The following PRKAG2 variants were observed in gnomAD, a reference collection of about 807,000 sequenced individuals.
The protein encoded by PRKAG2 is 5'-AMP-activated protein kinase subunit gamma-2.
Under a neutral mutation model 69.6 loss-of-function variants are expected in PRKAG2, and 26 were observed. The ratio of observed to expected loss-of-function variants is 0.37; its 90% confidence interval spans 0.27 to 0.52. The LOEUF is 0.52. Ranked by LOEUF, PRKAG2 falls within the 20% of genes least tolerant of loss-of-function variation. The pLI, the probability that PRKAG2 is intolerant of heterozygous loss-of-function variation, is 0.90. For missense variants in PRKAG2, 557 were observed against 740.0 expected (o/e 0.75, Z 2.87); for synonymous variants, 293 against 285.0 (o/e 1.03, Z -0.28).
At chr7:151,867,783 A>G (rs1390438035) in intron 1 of PRKAG2, among the ~76,000 whole-genome samples, 2 of 152,182 alleles carry the variant, frequency 1.3e-5, no homozygotes, top group Non-Finnish European at 2.9e-5. Flanking sequence ...AACCCTGCGT[A>G]AACATAGTTC....
chr7:151,716,987 C>T (rs922799320), intron 3 of PRKAG2, among the ~76,000 whole-genome samples: 1 of 152,176 alleles, frequency 6.6e-6, no homozygotes, highest in African/African-American at 2.4e-5. Flanking sequence ...TGGCTCACGC[C>T]TGTAATCCCA....
At position 151,567,877 on chromosome 7, in the gene PRKAG2, G is replaced by A. The variant is rs1484493154; in HGVS notation, c.1233+839C>T. ...CAGCTCCTTCACACTGCACCGGAAC[G>A]CTATGTTAGGTCCTTAGGTGAAGCC... is the stretch of plus-strand genomic sequence containing the variant. On this transcript the variant is annotated intron_variant, in intron 11 of 15. Coordinates refer to ENST00000287878, the MANE Select transcript of PRKAG2 (RefSeq NM_016203.4). This position sits in a 1 kb window ranked among gnomAD's most constrained non-coding sequence, Gnocchi z 4.2. Among the ~76,000 whole-genome samples the A allele has an allele frequency of 2.6e-5, 4 of 152,182 alleles. No homozygotes were observed. The highest frequency in any genetic ancestry group is 5.9e-5 in the Non-Finnish European group (4 of 68,036).
At chr7:151,757,591 CA>C (rs2075169187) in intron 3 of PRKAG2, among the ~76,000 whole-genome samples, 1 of 152,202 alleles carries the variant, frequency 6.6e-6, no homozygotes, top group African/African-American at 2.4e-5. Context: ...TGGAAACGGA[CA>C]GGGGGAAAAT....
chr7:151,654,955 A>C (rs1829171496), intron 4 of PRKAG2, among the ~76,000 whole-genome samples: 1 of 152,216 alleles, frequency 6.6e-6, no homozygotes, highest in African/African-American at 2.4e-5. Context: ...GGCCTCTCAA[A>C]GTGCTGGGAT....
intron 14 of PRKAG2, among the ~76,000 whole-genome samples, chr7:151,561,505 T>C (rs770823279): frequency 1.6e-4 from 24 of 152,348 alleles, no homozygotes; most frequent in Non-Finnish European, 2.9e-4. Flanking sequence ...TGAGCTATAA[T>C]GAAGTGGGAT....
At chr7:151,628,854 G>C (rs1823675642) in intron 5 of PRKAG2, among the ~76,000 whole-genome samples, 1 of 152,208 alleles carries the variant, frequency 6.6e-6, no homozygotes, top group Admixed American at 6.5e-5. Context: ...AGCTGTGGTA[G>C]CAGGCACGGG....
intron 4 of PRKAG2, among the ~76,000 whole-genome samples, chr7:151,659,537 G>C (rs1829995742): frequency 6.6e-6 from 1 of 152,148 alleles, no homozygotes. Context: ...TTAACACAGG[G>C]GTTCACACAT....
intron 3 of PRKAG2, among the ~76,000 whole-genome samples, chr7:151,736,632 G>T (rs964938751): frequency 2.6e-5 from 4 of 152,196 alleles, no homozygotes; most frequent in African/African-American, 9.7e-5. Context: ...GAAGGCTCCG[G>T]CTGCTGCCGG....
intron 1 of PRKAG2, among the ~76,000 whole-genome samples, chr7:151,868,260 C>T (rs2080127764): frequency 6.6e-6 from 1 of 152,236 alleles, no homozygotes; most frequent in Non-Finnish European, 1.5e-5. Context: ...TTCCAATTAA[C>T]CATTCCAAGG....
At chr7:151,631,300 T>C (rs1179801367) in intron 5 of PRKAG2, among the ~76,000 whole-genome samples, 1 of 152,254 alleles carries the variant, frequency 6.6e-6, no homozygotes, top group Admixed American at 6.5e-5. Context: ...CATTTCATTT[T>C]ACATATTAAT....
At chr7:151,722,836 TC>T (rs1343838117) in intron 3 of PRKAG2, among the ~76,000 whole-genome samples, 1 of 151,828 alleles carries the variant, frequency 6.6e-6, no homozygotes, top group Admixed American at 6.6e-5. Context: ...GCCCGGCAGG[TC>T]CCCATTAAAG....
At chr7:151,577,532 A>T (rs947629410) in intron 6 of PRKAG2, among the ~76,000 whole-genome samples, 3 of 152,246 alleles carry the variant, frequency 2.0e-5, no homozygotes, top group African/African-American at 7.2e-5. Context: ...GGGCTATTAT[A>T]AAACCACTGG....
At chr7:151,750,677 G>A (rs575153512) in intron 3 of PRKAG2, among the ~76,000 whole-genome samples, 271 of 152,216 alleles carry the variant, frequency 1.8e-3, no homozygotes, top group Admixed American at 3.9e-3. Context: ...ACTAGATTGG[G>A]GTGATGGTCG....
intron 3 of PRKAG2, among the ~76,000 whole-genome samples, chr7:151,739,696 C>A (rs576249528): frequency 5.8e-4 from 88 of 152,262 alleles, no homozygotes; most frequent in Non-Finnish European, 8.1e-4. Flanking sequence ...GTCTCGAACT[C>A]CTGGCTTCAA....
chr7:151,689,803 G>C (rs1835375216), intron 3 of PRKAG2, among the ~76,000 whole-genome samples: 1 of 152,308 alleles, frequency 6.6e-6, no homozygotes, highest in Admixed American at 6.5e-5. Flanking sequence ...CAGTGAGACG[G>C]GTTGGGGAGG....
chr7:151,705,123 G>A (rs1463081529), intron 3 of PRKAG2, among the ~76,000 whole-genome samples: 2 of 152,280 alleles, frequency 1.3e-5, no homozygotes, highest in Admixed American at 6.5e-5. Flanking sequence ...CTGATAAAAC[G>A]TAAATGCAAT....
At chr7:151,635,612 C>G (rs1260984620) in intron 4 of PRKAG2, among the ~76,000 whole-genome samples, 1 of 152,104 alleles carries the variant, frequency 6.6e-6, no homozygotes, top group Non-Finnish European at 1.5e-5. Context: ...CTGTATGATT[C>G]CATTTATATT....
chr7:151,670,299 C>T (rs962794184), intron 4 of PRKAG2, among the ~76,000 whole-genome samples: 5 of 152,102 alleles, frequency 3.3e-5, no homozygotes, highest in Admixed American at 1.3e-4. Context: ...GATTTGTCTC[C>T]TTCCCCTTCA....
chr7:151,646,342 T>C (rs1827558856), intron 4 of PRKAG2, among the ~76,000 whole-genome samples: 1 of 152,234 alleles, frequency 6.6e-6, no homozygotes, highest in South Asian at 2.1e-4. Flanking sequence ...TGTTTAGCCC[T>C]TTGATTTCTC....
Sources: gnomAD v4.1 joint callset for allele counts (sites outside exome capture counted in the v4.1 genomes callset) on GRCh38, gnomAD v4.1.1 for gene constraint, Gnocchi (gnomAD v3.1) non-coding constraint, MANE v1.5 for transcripts, NCBI Gene and HGNC (gene_info 2026-07-23, HGNC 2026-07-21) for gene names.